The following DENND5B variants were observed in gnomAD, a reference collection of about 807,000 sequenced individuals.
DENND5B encodes the protein DENN domain-containing protein 5B.
In DENND5B, 34 loss-of-function variants were observed where a neutral mutation model predicts 140.6. The observed-to-expected ratio is 0.24, with a 90% CI of 0.18 to 0.32. The LOEUF (loss-of-function observed/expected upper bound fraction) is 0.32. Ranked by LOEUF, DENND5B falls within the 10% of genes least tolerant of loss-of-function variation. The pLI, the probability that DENND5B is intolerant of heterozygous loss-of-function variation, is 1.00. For synonymous variants in DENND5B, 551 were observed against 562.1 expected, an observed-to-expected ratio of 0.98 and a Z score of 0.28; for missense variants, 1,142 against 1,560.2, an observed-to-expected ratio of 0.73 and a Z score of 4.52.
At chr12:31,441,993 C>T (rs550859597) in intron 7 of DENND5B, among the ~76,000 whole-genome samples, 3 of 152,204 alleles carry the variant, frequency 2.0e-5, no homozygotes, top group Non-Finnish European at 4.4e-5. Flanking sequence ...ACAATTCTTT[C>T]ACTTTACTGT....
Position 31,392,309 on chromosome 12 carries a change from C to T in DENND5B, c.3424G>A (p.Ala1142Thr), listed in dbSNP as rs568887062. ...AAGACATTCTTGTGAAAGATGCGGG[C>T]AGATTTGAACCCATGGTGGAAAACT... ...EQVFHHGFKS[A>T]RIFHKNVFIW... Residue 1142 changes from alanine (A) to threonine (T), a missense_variant, in exon 19 of 21, where the codon GCC becomes ACC. This residue lies in a region of DENND5B where 125 missense variants were observed against 179.0 expected (regional missense o/e 0.70). Transcript: ENST00000389082. 7 of 1,613,838 alleles carry T rather than the reference C, an allele frequency of 4.3e-6. No individual in the cohort carries two copies. The East Asian group carries it at 1.6e-4, about 36-fold the overall frequency.
chr12:31,577,077 G>C (rs1179363403), intron 1 of DENND5B, among the ~76,000 whole-genome samples: 1 of 152,076 alleles, frequency 6.6e-6, no homozygotes, highest in Non-Finnish European at 1.5e-5. Context: ...TTGAAGAAGG[G>C]ATTAGAGAAA....
intron 1 of DENND5B, among the ~76,000 whole-genome samples, chr12:31,588,929 TC>T (rs1354320578): frequency 6.6e-6 from 1 of 152,152 alleles, no homozygotes; most frequent in African/African-American, 2.4e-5. Flanking sequence ...GAAGCAGAAA[TC>T]CCAATCACCC....
chr12:31,567,012 A>C (rs1026583707), intron 1 of DENND5B, among the ~76,000 whole-genome samples: 29 of 152,244 alleles, frequency 1.9e-4, no homozygotes, highest in Non-Finnish European at 3.1e-4. Context: ...TAAGCTATAC[A>C]AATTCCACAA....
chr12:31,544,181 T>G (rs996670681), intron 1 of DENND5B, among the ~76,000 whole-genome samples: 4 of 152,238 alleles, frequency 2.6e-5, no homozygotes, highest in African/African-American at 9.6e-5. Context: ...ATGAATGAAT[T>G]AATTAAATAT....
At chr12:31,511,485 A>G (rs1440299071) in intron 1 of DENND5B, among the ~76,000 whole-genome samples, 1 of 152,124 alleles carries the variant, frequency 6.6e-6, no homozygotes, top group African/African-American at 2.4e-5. Context: ...GGTTCAAGAT[A>G]AAGCATTTAT....
intron 3 of DENND5B, chr12:31,477,657 G>A (rs1174273055): frequency 6.1e-6 from 1 of 164,176 alleles, no homozygotes; most frequent in Non-Finnish European, 1.5e-5. Context: ...TTCACTTGCA[G>A]ATCATGAAAA....
intron 3 of DENND5B, among the ~76,000 whole-genome samples, chr12:31,470,127 T>C (rs1292928944): frequency 6.9e-6 from 1 of 144,576 alleles, no homozygotes; most frequent in Non-Finnish European, 1.5e-5. Flanking sequence ...TTTTTTTTTT[T>C]TCTTTGGAGA....
intron 8 of DENND5B, chr12:31,432,287 G>GAA (rs374753134): frequency 9.7e-5 from 17 of 175,060 alleles, no homozygotes; most frequent in African/African-American, 1.7e-4. Context: ...ACAGTAGCCG[G>GAA]AAAAAAAAAA....
At chr12:31,504,276 C>G (rs977803848) in intron 1 of DENND5B, among the ~76,000 whole-genome samples, 4 of 152,176 alleles carry the variant, frequency 2.6e-5, no homozygotes, top group Admixed American at 1.3e-4. Context: ...TCTGGAAATA[C>G]TGAACTCCTA....
At chr12:31,445,872 G>T (rs548620378) in intron 6 of DENND5B, among the ~76,000 whole-genome samples, 1 of 151,648 alleles carries the variant, frequency 6.6e-6, no homozygotes, top group Non-Finnish European at 1.5e-5. Flanking sequence ...ACCCGAGGGT[G>T]GTGGCACATG....
chr12:31,396,909 G>T (rs2682702), intron 17 of DENND5B, among the ~76,000 whole-genome samples: 141,130 of 152,166 alleles, frequency 0.93, 65,898 homozygotes, highest in East Asian at 0.99. Flanking sequence ...TACATATGAT[G>T]GCATTTAGGG....
chr12:31,505,377 T>G (rs1947160207), intron 1 of DENND5B, among the ~76,000 whole-genome samples: 1 of 151,948 alleles, frequency 6.6e-6, no homozygotes. Context: ...TAGCTGGGAC[T>G]ACAGGTGTGC....
At chr12:31,435,644 C>T (rs1593158508) in intron 7 of DENND5B, among the ~76,000 whole-genome samples, 2 of 115,058 alleles carry the variant, frequency 1.7e-5, no homozygotes, top group East Asian at 7.7e-4. Context: ...CTTGAAAACG[C>T]TTTTTAAATT....
chr12:31,528,593 C>T (rs561886092), intron 1 of DENND5B, among the ~76,000 whole-genome samples: 2 of 152,170 alleles, frequency 1.3e-5, no homozygotes, highest in East Asian at 1.9e-4. Context: ...GGCAATAATA[C>T]GAACAGACCA....
chr12:31,557,569 A>C (rs1949331715), intron 1 of DENND5B, among the ~76,000 whole-genome samples: 1 of 152,030 alleles, frequency 6.6e-6, no homozygotes, highest in Admixed American at 6.6e-5. Context: ...TGTTGTAGAA[A>C]CAGGGTTTCA....
In DENND5B at chr12:31,452,121, T is replaced by A; in HGVS notation, c.1448A>T (p.Asp483Val). Residue 483 changes from aspartate to valine, a missense_variant, in exon 5 of 21, where the codon GAT (aspartate) becomes GTT (valine). Transcript: ENST00000389082. ...TGCCTCTTCACAATGCAGTTTTAAA[T>A]CCTTGTCTTTTTCACCCAGAGAAGC... ...LSASLGEKDKDLKLHCEEAEL... is the reference protein window; with the variant it reads ...LSASLGEKDKVLKLHCEEAEL... The A allele has an allele frequency of 6.2e-7, 1 of 1,614,014 alleles. No homozygotes were observed. Among genetic ancestry groups the A allele is most frequent in the South Asian group, 1.1e-5 (1 of 91,074 alleles).
chr12:31,577,271 G>A (rs1440292915), intron 1 of DENND5B, among the ~76,000 whole-genome samples: 6 of 152,008 alleles, frequency 3.9e-5, no homozygotes, highest in South Asian at 4.1e-4. Context: ...AGAGAAGGGA[G>A]GGGCAAGAAA....
At chr12:31,481,150 C>T (rs1439815228) in intron 2 of DENND5B, among the ~76,000 whole-genome samples, 1 of 152,064 alleles carries the variant, frequency 6.6e-6, no homozygotes, top group East Asian at 1.9e-4. Flanking sequence ...TTTTGTATTG[C>T]AATATGCTTT....
Sources: allele counts gnomAD v4.1 joint callset (sites outside exome capture counted in the v4.1 genomes callset), GRCh38; gene constraint gnomAD v4.1.1; regional missense constraint gnomAD v4.1.1; transcripts MANE v1.5; gene names NCBI Gene and HGNC (gene_info 2026-07-23, HGNC 2026-07-21).